Variants in WNT9B observed in about 807,000 individuals in gnomAD.
WNT9B encodes the protein Wnt family member 9B.
A neutral mutation model predicts 30.2 loss-of-function variants in WNT9B; 12 were observed. The ratio of observed to expected loss-of-function variants is 0.40; its 90% CI spans 0.26 to 0.64. The LOEUF (loss-of-function observed/expected upper bound fraction) is 0.64. Ranked by LOEUF, WNT9B falls within the 30% of genes least tolerant of loss-of-function variation. The pLI is 0.42. For synonymous variants in WNT9B, 218 were observed against 216.9 expected (o/e 1.01, Z -0.05); for missense variants, 442 against 485.2 (o/e 0.91, Z 0.84).
At chr17:46,874,897 G>A in intron 2 of WNT9B, 8 of 775,564 alleles carry the variant, frequency 1.0e-5, no homozygotes, top group Non-Finnish European at 4.4e-6. Flanking sequence ...CATTTAAATG[G>A]CAACTTGCAG....
chr17:46,877,000 A>G lies in WNT9B; in HGVS notation c.*282A>G. 8.0e-7 allele frequency: 1 copy of G among 1,249,084 alleles called. No individual in the cohort carries two copies. The highest frequency in any genetic ancestry group is 1.0e-6 in the Non-Finnish European group (1 of 997,254). The allele number at this position is 1,249,084 out of a possible 1,614,324, so 77.4% of individuals were successfully genotyped here. A position where few individuals can be genotyped will look rare whatever the true frequency, so the allele number is the denominator to read the frequency against. On this transcript the variant is annotated 3_prime_UTR_variant, in exon 4 of 4. Coordinates refer to ENST00000290015, the MANE Select transcript of WNT9B (RefSeq NM_003396.3). ...GAGTGAGAAAGACATGGAGGGAAAT[A>G]AGGGAGACCAAGAGCACAGCAGGAC...
rs566487148 is a variant in WNT9B, at chr17:46,846,484, A to G, written c.95+13044A>G. Among the ~76,000 whole-genome samples, 4 of 152,374 alleles carry G rather than the reference A, an allele frequency of 2.6e-5. No homozygotes were observed. In the East Asian group the frequency reaches 7.7e-4, roughly 29 times the overall value. ...AATCTCCCAAACTCAAGGACAGTGTATATCAACATAGGCACTGGCACAAAG... is the reference window on the plus strand; with the variant it reads ...AATCTCCCAAACTCAAGGACAGTGTGTATCAACATAGGCACTGGCACAAAG... On this transcript the variant is annotated intron_variant, in intron 1 of 2. Transcript: ENST00000575372.
chr17:46,865,306 TC>T (rs891426744), intron 1 of WNT9B, among the ~76,000 whole-genome samples: 1 of 152,200 alleles, frequency 6.6e-6, no homozygotes, highest in Non-Finnish European at 1.5e-5. Flanking sequence ...CCTGATGCCA[TC>T]CCCTGCAGGC....
At chr17:46,883,346 G>T (rs1296827099), downstream of WNT9B, among the ~76,000 whole-genome samples, 1 of 144,356 alleles carries the variant, frequency 6.9e-6, no homozygotes, top group Non-Finnish European at 1.5e-5. Context: ...GTGCAATGGC[G>T]CAATCTTGGC....
intron 1 of WNT9B, among the ~76,000 whole-genome samples, chr17:46,845,765 C>T (rs1016767781): frequency 3.5e-5 from 5 of 144,760 alleles, no homozygotes; most frequent in South Asian, 4.5e-4. Context: ...AGGGATTACA[C>T]GTGTGAGCCA....
At chr17:46,833,358 G>A (rs368570992) in exon 1 of WNT9B, 57 of 518,480 alleles carry the variant, frequency 1.1e-4, no homozygotes, top group African/African-American at 6.9e-4. Context: ...GAAAGGACGG[G>A]CAGTTTCTTT....
intron 1 of WNT9B, among the ~76,000 whole-genome samples, chr17:46,867,742 C>T (rs891867161): frequency 6.6e-6 from 1 of 152,054 alleles, no homozygotes. Context: ...GAAGGAGGTT[C>T]CAGGAGGATC....
chr17:46,868,190 A>G (rs2085172285), intron 1 of WNT9B, among the ~76,000 whole-genome samples: 1 of 152,222 alleles, frequency 6.6e-6, no homozygotes, highest in South Asian at 2.1e-4. Context: ...AAGAGCAATT[A>G]GCAAGTTGGC....
chr17:46,859,878 T>C (rs1338757645), intron 1 of WNT9B, among the ~76,000 whole-genome samples: 1 of 152,248 alleles, frequency 6.6e-6, no homozygotes, highest in Non-Finnish European at 1.5e-5. Context: ...CAGTGTTTTC[T>C]AGTTTTCAGT....
intron 1 of WNT9B, among the ~76,000 whole-genome samples, chr17:46,859,301 A>G (rs1438327292): frequency 1.3e-5 from 2 of 152,154 alleles, no homozygotes; most frequent in East Asian, 1.9e-4. Context: ...CCTTAAGTCT[A>G]TGGTTCATTT....
chr17:46,867,908 G>A (rs1207244793), intron 1 of WNT9B, among the ~76,000 whole-genome samples: 1 of 152,150 alleles, frequency 6.6e-6, no homozygotes, highest in Non-Finnish European at 1.5e-5. Flanking sequence ...TGGGGGCTCT[G>A]GTTTTATGAT....
upstream of WNT9B, among the ~76,000 whole-genome samples, chr17:46,847,421 A>T (rs1431426891): frequency 6.6e-6 from 1 of 152,262 alleles, no homozygotes; most frequent in Non-Finnish European, 1.5e-5. Context: ...AGTGCTCCAG[A>T]GTCAATGCTA....
intron 2 of WNT9B, 120 bp downstream of exon 2, chr17:46,872,893 C>A: frequency 8.2e-7 from 1 of 1,222,400 alleles, no homozygotes; most frequent in Non-Finnish European, 1.1e-6. Context: ...CACTGCCCTT[C>A]CTGCCCTAGC....
chr17:46,846,903 C>T (rs1168087517), upstream of WNT9B, among the ~76,000 whole-genome samples: 3 of 152,152 alleles, frequency 2.0e-5, no homozygotes, highest in Non-Finnish European at 4.4e-5. Context: ...GCCCTTCCCG[C>T]AGAAGGACAG....
intron 1 of WNT9B, among the ~76,000 whole-genome samples, chr17:46,865,296 C>T (rs2085113714): frequency 1.3e-5 from 2 of 152,220 alleles, no homozygotes. Flanking sequence ...AGCACGTCTC[C>T]CTGATGCCAT....
At chr17:46,859,049 T>C (rs1453335080) in intron 1 of WNT9B, among the ~76,000 whole-genome samples, 1 of 150,878 alleles carries the variant, frequency 6.6e-6, no homozygotes, top group Non-Finnish European at 1.5e-5. Context: ...TGATCTCGGC[T>C]CACTGCAACC....
chr17:46,858,577 G>A (rs919691823), intron 1 of WNT9B, among the ~76,000 whole-genome samples: 1 of 152,056 alleles, frequency 6.6e-6, no homozygotes, highest in Non-Finnish European at 1.5e-5. Context: ...GCCTAATTCT[G>A]TTGGTGGTGA....
intron 1 of WNT9B, among the ~76,000 whole-genome samples, chr17:46,833,761 G>T (rs2084586923): frequency 6.6e-6 from 1 of 152,196 alleles, no homozygotes; most frequent in African/African-American, 2.4e-5. Context: ...CGGGGAAGAA[G>T]TGAGCCAGTC....
chr17:46,841,698 C>A (rs2084715794), intron 1 of WNT9B, among the ~76,000 whole-genome samples: 2 of 152,066 alleles, frequency 1.3e-5, no homozygotes, highest in Non-Finnish European at 2.9e-5. Context: ...GGAACTGGAC[C>A]CTCTGGACTG....
Sources: gnomAD v4.1 joint callset for allele counts (sites outside exome capture counted in the v4.1 genomes callset) on GRCh38, gnomAD v4.1.1 for gene constraint, MANE v1.5 for transcripts, NCBI Gene and HGNC (gene_info 2026-07-23, HGNC 2026-07-21) for gene names.